Variants in ATP8A2 observed in about 807,000 individuals in gnomAD.
ATP8A2 encodes phospholipid-transporting ATPase IB.
Under a neutral mutation model 165.6 loss-of-function variants are expected in ATP8A2, and 100 were observed. That is an observed-to-expected ratio of 0.60 (90% CI 0.51 to 0.71). The LOEUF (loss-of-function observed/expected upper bound fraction) is 0.71, where lower values mean the gene tolerates loss of function less well. ATP8A2 is among the 30% of genes least tolerant of loss of function. The pLI is 0.00. For missense variants in ATP8A2, 1,227 were observed against 1,479.5 expected, an observed-to-expected ratio of 0.83 and a Z score of 2.80; for synonymous variants, 543 against 548.8, an observed-to-expected ratio of 0.99 and a Z score of 0.15.
intron 26 of ATP8A2, among the ~76,000 whole-genome samples, chr13:25,769,801 C>T (rs1593318380): frequency 6.6e-6 from 1 of 152,144 alleles, no homozygotes; most frequent in Non-Finnish European, 1.5e-5. Context: ...CATAATGACC[C>T]CATGGTCAGT....
chr13:25,957,259 A>G (rs1450645398), intron 33 of ATP8A2, among the ~76,000 whole-genome samples: 2 of 152,264 alleles, frequency 1.3e-5, no homozygotes, highest in African/African-American at 4.8e-5. Flanking sequence ...ACAAAAGCCA[A>G]AATTGACAAA....
At chr13:25,789,132 C>A (rs1014474265) in intron 27 of ATP8A2, among the ~76,000 whole-genome samples, 7 of 151,936 alleles carry the variant, frequency 4.6e-5, no homozygotes, top group Non-Finnish European at 5.9e-5. Context: ...TTTTAAATGA[C>A]AATAATGTTA....
chr13:25,672,443 C>T (rs1011512455), intron 24 of ATP8A2, among the ~76,000 whole-genome samples: 4 of 152,056 alleles, frequency 2.6e-5, no homozygotes, highest in Admixed American at 6.6e-5. Context: ...TTCCATTTCT[C>T]TTTGGGGTGG....
At chr13:25,542,408 A>T (rs2137997963) in intron 9 of ATP8A2, among the ~76,000 whole-genome samples, 1 of 148,520 alleles carries the variant, frequency 6.7e-6, no homozygotes. Context: ...TTTGCTAACC[A>T]CCTTCTAAGG....
intron 35 of ATP8A2, among the ~76,000 whole-genome samples, chr13:26,000,260 C>G (rs142344895): frequency 6.6e-6 from 1 of 152,232 alleles, no homozygotes; most frequent in East Asian, 1.9e-4. Context: ...TCTAAAATTA[C>G]CTACTTGTTT....
At chr13:25,579,987 A>T (rs2039729201) in intron 22 of ATP8A2, 40 bp downstream of exon 22, 2 of 1,605,798 alleles carry the variant, frequency 1.2e-6, no homozygotes, top group African/African-American at 2.7e-5. Context: ...TCCATGAAGG[A>T]CTTAACCACC....
At chr13:25,374,995 G>A (rs2032567072) in intron 1 of ATP8A2, among the ~76,000 whole-genome samples, 1 of 152,134 alleles carries the variant, frequency 6.6e-6, no homozygotes, top group Non-Finnish European at 1.5e-5. Flanking sequence ...TCTTGTCTGA[G>A]CCATCTTTGA....
intron 24 of ATP8A2, chr13:25,649,155 A>C (rs1363053066): frequency 2.3e-6 from 1 of 431,278 alleles, no homozygotes; most frequent in Non-Finnish European, 4.6e-6. Flanking sequence ...ATTCTTTGGA[A>C]CAGACCCTTA....
At chr13:25,408,250 G>A (rs1301175544) in intron 1 of ATP8A2, among the ~76,000 whole-genome samples, 1 of 152,030 alleles carries the variant, frequency 6.6e-6, no homozygotes, top group Admixed American at 6.6e-5. Flanking sequence ...AAAATTAACC[G>A]GGCATGGTGG....
At chr13:25,608,400 G>C (rs567952593) in intron 24 of ATP8A2, among the ~76,000 whole-genome samples, 1 of 152,158 alleles carries the variant, frequency 6.6e-6, no homozygotes, top group African/African-American at 2.4e-5. Context: ...GTAGACATAG[G>C]ATTACATGAC....
intron 2 of ATP8A2, among the ~76,000 whole-genome samples, chr13:25,499,158 G>GGC: frequency 6.6e-6 from 1 of 152,134 alleles, no homozygotes; most frequent in East Asian, 1.9e-4. Flanking sequence ...TACTCCCTCA[G>GGC]GCCAACTATG....
intron 25 of ATP8A2, among the ~76,000 whole-genome samples, chr13:25,726,450 G>A (rs1417017230): frequency 6.6e-6 from 1 of 152,192 alleles, no homozygotes; most frequent in Non-Finnish European, 1.5e-5. Flanking sequence ...GGGAGAATGT[G>A]TCCTTGCCTT....
At chr13:25,491,748 A>T (rs1238090513) in intron 2 of ATP8A2, among the ~76,000 whole-genome samples, 1 of 152,236 alleles carries the variant, frequency 6.6e-6, no homozygotes, top group Non-Finnish European at 1.5e-5. Flanking sequence ...GATTCTTACA[A>T]TTGAAATTCA....
At chr13:25,518,053 A>G (rs2037535957) in intron 2 of ATP8A2, among the ~76,000 whole-genome samples, 1 of 152,228 alleles carries the variant, frequency 6.6e-6, no homozygotes, top group South Asian at 2.1e-4. Flanking sequence ...GCTCCCAGGT[A>G]TGCAGTGATG....
In ATP8A2 at chr13:25,896,440, G is replaced by A. The variant is rs180889800; in HGVS notation, c.3183+34032G>A. On this transcript the variant is annotated intron_variant, in intron 33 of 36. Transcript: ENST00000381655. ...TGTTCTTTTACATTTGCTGAGGAGT[G>A]CTTTACTTCCAACTATGTGGTCAAT... 2.1e-3 allele frequency among the ~76,000 whole-genome samples: 315 copies of A among 152,296 alleles called. 1 individual carries two copies. Among genetic ancestry groups the A allele is most frequent in the South Asian group, 0.011 (52 of 4,820 alleles).
chr13:25,531,263 A>ATATATATGTTATATATGATATGT (rs1555291099), intron 4 of ATP8A2, among the ~76,000 whole-genome samples: 1 of 85,512 alleles, frequency 1.2e-5, no homozygotes, highest in African/African-American at 4.8e-5. Context: ...GATATATATG[A>ATATATATGTTATATATGATATGT]TATATATGAT....
At chr13:25,795,824 A>C (rs757063018) in intron 27 of ATP8A2, among the ~76,000 whole-genome samples, 6 of 152,172 alleles carry the variant, frequency 3.9e-5, no homozygotes, top group Non-Finnish European at 8.8e-5. Context: ...ATTGAACTTC[A>C]TTACTTAATT....
At chr13:25,542,484 G>A (rs75950150) in intron 9 of ATP8A2, among the ~76,000 whole-genome samples, 1,743 of 150,680 alleles carry the variant, frequency 0.012, 32 homozygotes, top group African/African-American at 0.039. Context: ...AATATTCAGT[G>A]CCCTCCTGTC....
chr13:25,849,834 AAG>A (rs1951963154), intron 30 of ATP8A2, among the ~76,000 whole-genome samples: 1 of 152,208 alleles, frequency 6.6e-6, no homozygotes, highest in Non-Finnish European at 1.5e-5. Flanking sequence ...AATTGTCTCT[AAG>A]AGAGCATCTG....
Sources: gnomAD v4.1 joint callset for allele counts (sites outside exome capture counted in the v4.1 genomes callset) on GRCh38, gnomAD v4.1.1 for gene constraint, MANE v1.5 for transcripts, NCBI Gene and HGNC (gene_info 2026-07-23, HGNC 2026-07-21) for gene names.